The following ABCC6 variants were observed in gnomAD, a reference collection of about 807,000 sequenced individuals.
ABCC6 encodes ATP-binding cassette sub-family C member 6.
ABCC6 carries 126 observed loss-of-function variants against 169.5 expected under a neutral mutation model. The ratio of observed to expected loss-of-function variants is 0.74; its 90% confidence interval spans 0.64 to 0.86. ABCC6 has a LOEUF of 0.86. ABCC6 is among the 40% of genes least tolerant of loss of function. The pLI is 0.00. For missense variants in ABCC6, 1,733 were observed against 1,927.2 expected (o/e 0.90, Z 1.89); for synonymous variants, 752 against 814.7 (o/e 0.92, Z 1.31).
At chr16:16,214,782 A>T (rs2048789441) in intron 4 of ABCC6, among the ~76,000 whole-genome samples, 1 of 151,934 alleles carries the variant, frequency 6.6e-6, no homozygotes, top group Non-Finnish European at 1.5e-5. Context: ...CTTTTTTAAA[A>T]TATTTTTAGT....
In ABCC6 at chr16:16,185,019, C is replaced by G. The variant is rs1596664449; in HGVS notation, c.1883G>C (p.Cys628Ser). 6.2e-7 allele frequency: 1 copy of G among 1,613,656 alleles called. No homozygotes were observed. The highest frequency in any genetic ancestry group is 8.5e-7 in the Non-Finnish European group (1 of 1,179,582). ...GAAGGTGGCACTGTGTATGGTGATG[C>G]AATCCTTCCCGGCAGCTGCAGGGCA... ...SSSGSAAGKD[C>S]ITIHSATFAW... Residue 628 changes from cysteine (C) to serine (S), a missense_variant, in exon 15 of 31, where the codon TGC (cysteine) becomes TCC (serine). Transcript: ENST00000205557.
intron 10 of ABCC6, among the ~76,000 whole-genome samples, chr16:16,196,331 T>C (rs2048037818): frequency 6.6e-6 from 1 of 152,208 alleles, no homozygotes; most frequent in South Asian, 2.1e-4. Context: ...TTGCTTAGTA[T>C]GGTCTACAGC....
intron 24 of ABCC6, among the ~76,000 whole-genome samples, chr16:16,162,790 A>G (rs142775511): frequency 6.6e-6 from 1 of 151,882 alleles, no homozygotes; most frequent in Admixed American, 6.6e-5. Context: ...TTCTTCCTGT[A>G]CCCCCCGCCC....
rs1459249464 is a variant in ABCC6, at chr16:16,177,635, GGAAGGGGTA to G, written c.2416-18_2416-10del. 4 of 1,614,174 alleles carry G rather than the reference GGAAGGGGTA, an allele frequency of 2.5e-6. No homozygotes were observed. Among genetic ancestry groups the G allele is most frequent in the Non-Finnish European group, 3.4e-6 (4 of 1,180,040 alleles). On this transcript the variant is annotated splice_polypyrimidine_tract_variant and intron_variant, in intron 18 of 30. Transcript: ENST00000205557. ...GTCACGAGAATCCGTGTCTGGGCAGGGAAGGGGTAGAAGTTACACACATGTGGCCGGGTG... is the reference window on the plus strand; with the variant it reads ...GTCACGAGAATCCGTGTCTGGGCAGGGAAGTTACACACATGTGGCCGGGTG...
chr16:16,209,689 C>T (rs565525649), intron 6 of ABCC6, among the ~76,000 whole-genome samples: 36 of 151,996 alleles, frequency 2.4e-4, no homozygotes, highest in African/African-American at 7.5e-4. Flanking sequence ...CTGCAACCTC[C>T]GCCTCCCTGG....
At chr16:16,170,758 A>G (rs564197630) in intron 21 of ABCC6, among the ~76,000 whole-genome samples, 2 of 151,788 alleles carry the variant, frequency 1.3e-5, no homozygotes, top group East Asian at 3.9e-4. Context: ...GTCTCTACTA[A>G]AAATACAAAA....
intron 25 of ABCC6, 101 bp from the exon 26 acceptor site, chr16:16,159,684 G>A: frequency 9.4e-7 from 1 of 1,066,204 alleles, no homozygotes; most frequent in Non-Finnish European, 1.4e-6. Context: ...CCAGACCCAG[G>A]GGAGTAAAGA....
At chr16:16,213,549 T>C (rs2048721816) in intron 5 of ABCC6, among the ~76,000 whole-genome samples, 1 of 139,384 alleles carries the variant, frequency 7.2e-6, no homozygotes. Flanking sequence ...GGTAATTTTC[T>C]TTTTCCTTCT....
At position 16,190,285 on chromosome 16, in the gene ABCC6, C is replaced by T. The variant is rs747009873; in HGVS notation, c.1514G>A (p.Gly505Asp). 2.5e-6 allele frequency: 4 copies of T among 1,614,026 alleles called. No homozygotes were observed. The Admixed American group carries it at 5.0e-5, about 20-fold the overall frequency. Residue 505 changes from glycine to aspartate, a missense_variant, in exon 12 of 31, where the codon GGC becomes GAC. Gly to Asp is a moderately conservative substitution (Grantham distance 94, BLOSUM62 -1). Transcript: ENST00000205557. The stretch of plus-strand genomic sequence containing the variant: ...TCTGTCCAGAAAGGCTCCCTCCCAG[C>T]CATGGAACTTGATGGTCTTCGAGTT... ...LRNSKTIKFHGWEGAFLDRVL... is the reference protein window; with the variant it reads ...LRNSKTIKFHDWEGAFLDRVL...
At chr16:16,195,872 G>C (rs1567520000) in intron 10 of ABCC6, among the ~76,000 whole-genome samples, 1 of 151,894 alleles carries the variant, frequency 6.6e-6, no homozygotes. Context: ...GAGCATTCGA[G>C]TTTTTTTTGG....
Position 16,208,719 on chromosome 16 carries a change from C to G in ABCC6, c.794+9G>C, listed in dbSNP as rs2048484139. 1.2e-6 allele frequency: 2 copies of G among 1,613,402 alleles called. No individual in the cohort carries two copies. Among genetic ancestry groups the G allele is most frequent in the Non-Finnish European group, 8.5e-7 (1 of 1,179,472 alleles). ...GCATCAGGTGAGTTCTTGACCTCCACCCACTTACCTCCGGGCTGCACTGCG... is the reference window on the plus strand; with the variant it reads ...GCATCAGGTGAGTTCTTGACCTCCAGCCACTTACCTCCGGGCTGCACTGCG... On this transcript the variant is annotated intron_variant, in intron 7 of 30. Coordinates refer to ENST00000205557, the MANE Select transcript of ABCC6 (RefSeq NM_001171.6).
At chr16:16,179,059 C>T (rs2047385867) in intron 17 of ABCC6, 94 bp from the exon 18 acceptor site, 2 of 1,373,434 alleles carry the variant, frequency 1.5e-6, no homozygotes, top group African/African-American at 1.4e-5. Context: ...ACCTGCCCAT[C>T]AGGGTGAGGT....
rs761440521 is a variant in ABCC6, at chr16:16,157,773, G to C, written c.3772C>G (p.Pro1258Ala). 2.5e-6 allele frequency: 4 copies of C among 1,613,346 alleles called. No individual in the cohort carries two copies. Among genetic ancestry groups the C allele is most frequent in the East Asian group, 2.2e-5 (1 of 44,882 alleles). The change falls in exon 27 of 31, where the codon CCC (proline) becomes GCC (alanine). Residue 1258 changes from proline (P) to alanine (A), a missense_variant. By Grantham distance (27) the Pro-to-Ala change is conservative. Around this residue, in one of 5 missense-constraint regions of ABCC6, gnomAD observed 1,601 missense variants for 1,635.5 expected, o/e 0.98. Coordinates refer to ENST00000205557, the MANE Select transcript of ABCC6 (RefSeq NM_001171.6). ...TCGATCTGCCCGCCCTGAGGCCAGG[G>C]GGGCTGAGCTGCACATGTGGGCAGC... ...WRLPTCAAQP[P>A]WPQGGQIEFR... is the part of the protein sequence containing the mutation.
rs1241552748 is a variant in ABCC6, at chr16:16,149,852, G to A, written c.*281C>T. On this transcript the variant is annotated 3_prime_UTR_variant, in exon 31 of 31. Transcript: ENST00000205557. ...GGGCATGTGCTTGAGGCCCCCAGGT[G>A]AGTCCAGAGTACAGCGGGGCTGAGA... The A allele has an allele frequency of 9.3e-6, 5 of 535,038 alleles. No individual in the cohort carries two copies. Among genetic ancestry groups the A allele is most frequent in the Non-Finnish European group, 1.7e-5 (5 of 294,632 alleles). The allele number at this position is 535,038 out of a possible 1,614,324, so 33.1% of individuals were successfully genotyped here. A position where few individuals can be genotyped will look rare whatever the true frequency, so the allele number is the denominator to read the frequency against.
At chr16:16,217,672 GTAT>G (rs1186163859) in intron 4 of ABCC6, among the ~76,000 whole-genome samples, 3 of 152,242 alleles carry the variant, frequency 2.0e-5, no homozygotes, top group Admixed American at 2.0e-4. Context: ...TATGGTCCCA[GTAT>G]TATTGTTTCT....
intron 17 of ABCC6, among the ~76,000 whole-genome samples, chr16:16,181,356 A>AG (rs1567501105): frequency 8.5e-6 from 1 of 117,994 alleles, no homozygotes; most frequent in Non-Finnish European, 1.9e-5. Context: ...AAAAAAAAAA[A>AG]AAAAAAAAAA....
In ABCC6 at chr16:16,198,080, G is replaced by A. The variant is rs751569017; in HGVS notation, c.1279C>T (p.Leu427Phe). ...ACGAGAGGCAGCCACAGCCCGTTGAGGTAGAGGACGCTCTCGGTCAGCCGC... is the reference window on the plus strand; with the variant it reads ...ACGAGAGGCAGCCACAGCCCGTTGAAGTAGAGGACGCTCTCGGTCAGCCGC... The part of the protein sequence containing the change: ...VQRLTESVLY[L>F]NGLWLPLVWI... The change falls in exon 10 of 31, where the codon CTC becomes TTC. Residue 427 changes from leucine (L) to phenylalanine (F), a missense_variant. By Grantham distance (22) the Leu-to-Phe change is conservative (BLOSUM62 0). Around this residue, in one of 5 missense-constraint regions of ABCC6, gnomAD observed 1,601 missense variants for 1,635.5 expected, o/e 0.98. Coordinates refer to ENST00000205557, the MANE Select transcript of ABCC6 (RefSeq NM_001171.6). 5 of 1,614,106 alleles carry A rather than the reference G, an allele frequency of 3.1e-6. No individual in the cohort carries two copies. The South Asian group carries it at 5.5e-5, about 18-fold the overall frequency.
chr16:16,207,464 A>G (rs2048429331), intron 7 of ABCC6, among the ~76,000 whole-genome samples: 1 of 152,178 alleles, frequency 6.6e-6, no homozygotes, highest in African/African-American at 2.4e-5. Flanking sequence ...TGGGAGATGA[A>G]AGGAGAGAAT....
chr16:16,154,088 T>C lies in ABCC6; in HGVS notation c.4208+540A>G, dbSNP rs146816455. Among the ~76,000 whole-genome samples the C allele has an allele frequency of 4.1e-3, 627 of 151,986 alleles. 3 individuals carry two copies. The highest frequency in any genetic ancestry group is 0.014 in the African/African-American group (593 of 41,484). On this transcript the variant is annotated intron_variant, in intron 29 of 30. Transcript: ENST00000205557. Reference sequence around the variant, plus strand: ...CCTCAGCCTCCCAAGTAACTAGGACTACAGGTGCATGCCACCATACCTGGC... The same window carrying C: ...CCTCAGCCTCCCAAGTAACTAGGACCACAGGTGCATGCCACCATACCTGGC...
Sources: allele counts gnomAD v4.1 joint callset (sites outside exome capture counted in the v4.1 genomes callset), GRCh38; gene constraint gnomAD v4.1.1; regional missense constraint gnomAD v4.1.1; transcripts MANE v1.5; gene names NCBI Gene and HGNC (gene_info 2026-07-23, HGNC 2026-07-21).